CPA6: variants seen among roughly 807,000 people sequenced by gnomAD.
CPA6 encodes carboxypeptidase A6, also known as carboxypeptidase B.
A neutral mutation model predicts 63.3 loss-of-function variants in CPA6; 58 were observed. That is an observed-to-expected ratio of 0.92 (90% CI 0.74 to 1.14). CPA6 has a LOEUF of 1.14. Ranked by LOEUF, CPA6 falls within the 50% of genes most tolerant of loss-of-function variation. CPA6 has a pLI of 0.00. For missense variants in CPA6, 565 were observed against 526.6 expected (o/e 1.07, Z -0.71); for synonymous variants, 185 against 179.0 (o/e 1.03, Z -0.27).
At chr8:67,554,698 C>T (rs958913586) in intron 2 of CPA6, among the ~76,000 whole-genome samples, 2 of 152,158 alleles carry the variant, frequency 1.3e-5, no homozygotes, top group Non-Finnish European at 2.9e-5. Flanking sequence ...GGCCTGAGAG[C>T]CTGGGGGCTG....
At chr8:67,656,302 G>A (rs1815982915) in intron 1 of CPA6, among the ~76,000 whole-genome samples, 1 of 152,080 alleles carries the variant, frequency 6.6e-6, no homozygotes, top group South Asian at 2.1e-4. Flanking sequence ...ACCCATAACT[G>A]TAAACACTGT....
At chr8:67,515,551 G>A (rs943739156) in intron 3 of CPA6, among the ~76,000 whole-genome samples, 5 of 152,174 alleles carry the variant, frequency 3.3e-5, no homozygotes, top group East Asian at 3.9e-4. Context: ...CTTATACGCC[G>A]TGAATCTTCT....
At chr8:67,682,969 C>A (rs530182084) in intron 1 of CPA6, among the ~76,000 whole-genome samples, 1 of 152,336 alleles carries the variant, frequency 6.6e-6, no homozygotes, top group African/African-American at 2.4e-5. Flanking sequence ...TGATCCCCTG[C>A]AGATCTGCAG....
chr8:67,633,487 A>C (rs542844753), intron 1 of CPA6, among the ~76,000 whole-genome samples: 122 of 152,160 alleles, frequency 8.0e-4, no homozygotes, highest in African/African-American at 2.6e-3. Flanking sequence ...CGAGACCATC[A>C]TGGCTAACAT....
intron 2 of CPA6, among the ~76,000 whole-genome samples, chr8:67,606,100 C>T (rs937085755): frequency 2.1e-5 from 3 of 143,450 alleles, no homozygotes; most frequent in Admixed American, 7.4e-5. Context: ...ACAAACACCG[C>T]ATGTTCTCAC....
chr8:67,653,059 G>A (rs1230393230), intron 1 of CPA6, among the ~76,000 whole-genome samples: 6 of 152,174 alleles, frequency 3.9e-5, no homozygotes, highest in East Asian at 1.9e-4. Flanking sequence ...GTAGATATGC[G>A]GCATTATTTC....
intron 1 of CPA6, among the ~76,000 whole-genome samples, chr8:67,674,593 C>T (rs1055997534): frequency 3.3e-5 from 5 of 152,174 alleles, no homozygotes; most frequent in African/African-American, 9.7e-5. Flanking sequence ...TTAGTAAAGT[C>T]ACTGTGGAAA....
At chr8:67,689,163 C>G (rs988808823) in intron 1 of CPA6, among the ~76,000 whole-genome samples, 2 of 152,026 alleles carry the variant, frequency 1.3e-5, no homozygotes, top group African/African-American at 4.8e-5. Context: ...ACTCAATGTA[C>G]TCCCGTAACT....
intron 6 of CPA6, 125 bp downstream of exon 6, chr8:67,506,662 A>G (rs1322174734): frequency 1.5e-6 from 1 of 652,366 alleles, no homozygotes; most frequent in African/African-American, 1.8e-5. Flanking sequence ...AGCCCATGGA[A>G]TCAAGGTGTT....
intron 3 of CPA6, among the ~76,000 whole-genome samples, chr8:67,514,219 A>C (rs1346324371): frequency 6.6e-6 from 1 of 152,092 alleles, no homozygotes; most frequent in Non-Finnish European, 1.5e-5. Context: ...TAGCCTCCCA[A>C]AGTGCTGGGA....
intron 3 of CPA6, among the ~76,000 whole-genome samples, chr8:67,517,508 C>T (rs185602118): frequency 5.3e-5 from 8 of 152,324 alleles, no homozygotes; most frequent in Non-Finnish European, 1.0e-4. Context: ...CTGACTTGCA[C>T]TTCATACACT....
At chr8:67,721,964 A>G (rs899501596) in intron 1 of CPA6, among the ~76,000 whole-genome samples, 1 of 152,206 alleles carries the variant, frequency 6.6e-6, no homozygotes, top group African/African-American at 2.4e-5. Context: ...ATGGAAGCCA[A>G]TTGTTCAAAC....
intron 6 of CPA6, among the ~76,000 whole-genome samples, chr8:67,489,156 G>A (rs1037531591): frequency 6.6e-6 from 1 of 151,506 alleles, no homozygotes; most frequent in African/African-American, 2.4e-5. Flanking sequence ...ATGTTGCCCA[G>A]GCTGGTCTCA....
intron 7 of CPA6, 142 bp downstream of exon 7, chr8:67,484,537 G>A (rs932500359): frequency 3.8e-6 from 2 of 520,864 alleles, no homozygotes; most frequent in Non-Finnish European, 7.0e-6. Flanking sequence ...TCTGATTGGG[G>A]AAAGAGTGAA....
At chr8:67,698,494 A>G (rs764692274) in intron 1 of CPA6, among the ~76,000 whole-genome samples, 1 of 152,220 alleles carries the variant, frequency 6.6e-6, no homozygotes, top group Non-Finnish European at 1.5e-5. Flanking sequence ...TGTGTGCTAT[A>G]AAACAGGCTT....
intron 8 of CPA6, among the ~76,000 whole-genome samples, chr8:67,476,398 G>A (rs1334402125): frequency 2.0e-5 from 3 of 152,136 alleles, no homozygotes; most frequent in Admixed American, 6.5e-5. Flanking sequence ...GGTCTTCCTG[G>A]AGAATTCATA....
Position 67,509,672 on chromosome 8 carries a change from T to C in CPA6, c.433-54A>G. ...AGACTCTCTCAAAATAATGGAGCTT[T>C]TAGAGAACAAAAGGAAACAAAAAGA... On this transcript the variant is annotated intron_variant, in intron 4 of 10. Coordinates refer to ENST00000297770, the MANE Select transcript of CPA6 (RefSeq NM_020361.5). 5.7e-6 allele frequency: 5 copies of C among 878,232 alleles called. No individual in the cohort carries two copies. In the South Asian group the frequency reaches 8.5e-5, roughly 15 times the overall value. 54.4% of individuals were successfully genotyped at this position (878,232 alleles called of 1,614,324 possible). A position where few individuals can be genotyped will look rare whatever the true frequency, so the allele number is the denominator to read the frequency against.
At chr8:67,545,596 T>C (rs1195329187) in intron 2 of CPA6, among the ~76,000 whole-genome samples, 5 of 126,286 alleles carry the variant, frequency 4.0e-5, no homozygotes, top group African/African-American at 1.0e-4. Context: ...AGATGGAGTT[T>C]TGCTCTTGTT....
intron 1 of CPA6, among the ~76,000 whole-genome samples, chr8:67,718,099 T>TC (rs1253558337): frequency 6.6e-6 from 1 of 152,146 alleles, no homozygotes; most frequent in East Asian, 1.9e-4. Flanking sequence ...AATTGTCCTC[T>TC]CCTAAGCCAG....
Sources: gnomAD v4.1 joint callset for allele counts (sites outside exome capture counted in the v4.1 genomes callset) on GRCh38, gnomAD v4.1.1 for gene constraint, MANE v1.5 for transcripts, NCBI Gene and HGNC (gene_info 2026-07-23, HGNC 2026-07-21) for gene names.